DHRS9: variants seen among roughly 807,000 people sequenced by gnomAD.
DHRS9 encodes dehydrogenase/reductase SDR family member 9.
In DHRS9, 18 loss-of-function variants were observed where a neutral mutation model predicts 26.6. The ratio of observed to expected loss-of-function variants is 0.68; its 90% CI spans 0.47 to 1.00. DHRS9 has a LOEUF of 1.00. Among genes scored for constraint, DHRS9 ranks in the 50% least tolerant of loss-of-function variants. The probability of loss-of-function intolerance (pLI) is 0.00; values close to 1 mark genes in which losing one functional copy is unlikely to be tolerated. For synonymous variants in DHRS9, 134 were observed against 141.1 expected (o/e 0.95, Z 0.36); for missense variants, 425 against 378.7 (o/e 1.12, Z -1.01).
At chr2:169,079,983 GAGAAAGAAAGAAAGAAAGAAAGAAAGAA>G (rs1279888912) in intron 1 of DHRS9, among the ~76,000 whole-genome samples, 1,343 of 46,774 alleles carry the variant, frequency 0.029, 54 homozygotes, top group East Asian at 0.067. Flanking sequence ...GAGAGAGAGA[GAGAAAGAAAGAAAGAAAGAAAGAAAGAA>G]AGAAAGAAAG....
At chr2:169,087,997 T>G (rs1366314525) in intron 3 of DHRS9, among the ~76,000 whole-genome samples, 1 of 152,190 alleles carries the variant, frequency 6.6e-6, no homozygotes, top group Non-Finnish European at 1.5e-5. Context: ...CTGCCCAAGC[T>G]GGCATCTTAC....
At chr2:169,079,894 A>AGAGAGGGAGGGAGGGAGG (rs1558951396) in intron 1 of DHRS9, among the ~76,000 whole-genome samples, 1 of 86,332 alleles carries the variant, frequency 1.2e-5, no homozygotes, top group African/African-American at 6.2e-5. Context: ...AGAGAGAGAG[A>AGAGAGGGAGGGAGGGAGG]GAGGGAGGGA....
At chr2:169,095,435 G>A (rs945699104) in intron 4 of DHRS9, 109 bp from the exon 5 acceptor site, 19 of 849,610 alleles carry the variant, frequency 2.2e-5, no homozygotes, top group Non-Finnish European at 3.3e-5. Context: ...CAATTATAAT[G>A]GACAATTCAG....
intron 3 of DHRS9, among the ~76,000 whole-genome samples, chr2:169,086,615 T>C (rs1265499551): frequency 1.3e-5 from 2 of 152,152 alleles, no homozygotes; most frequent in Non-Finnish European, 2.9e-5. Flanking sequence ...CTGGGCTTGT[T>C]TGTACTCATC....
chr2:169,068,916 G>T (rs1558947825), upstream of DHRS9, among the ~76,000 whole-genome samples: 1 of 152,276 alleles, frequency 6.6e-6, no homozygotes, highest in South Asian at 2.1e-4. Context: ...ACTTTCCACT[G>T]TGGTCCCAGG....
rs1401047905 is a variant in DHRS9, at chr2:169,083,561, A to G, written c.546A>G (p.Ala182=). The G allele has an allele frequency of 5.6e-6, 9 of 1,614,070 alleles. No individual in the cohort carries two copies. Among genetic ancestry groups the G allele is most frequent in the Non-Finnish European group, 6.8e-6 (8 of 1,179,968 alleles). Residue 182 remains alanine (A), a synonymous_variant, in exon 3 of 5, where the codon GCA becomes GCG. Coordinates refer to ENST00000674881, the MANE Select transcript of DHRS9 (RefSeq NM_001376924.1). ...GGGGCTATACTCCATCCAAATATGC[A>G]GTGGAAGGTTTCAATGACAGCTTAA... ...VGGGYTPSKY[A]VEGFNDSLRR...
chr2:169,073,698 A>G (rs1037668124), intron 1 of DHRS9, among the ~76,000 whole-genome samples: 4 of 152,202 alleles, frequency 2.6e-5, no homozygotes, highest in Non-Finnish European at 5.9e-5. Flanking sequence ...AAATATTTAT[A>G]TAGAGGGAAA....
At chr2:169,087,766 C>T (rs1221441843) in intron 3 of DHRS9, among the ~76,000 whole-genome samples, 1 of 152,086 alleles carries the variant, frequency 6.6e-6, no homozygotes, top group Non-Finnish European at 1.5e-5. Context: ...TGGCTCAGGA[C>T]AAGTCTAGAA....
chr2:169,080,651 T>C (rs886819356), intron 1 of DHRS9, among the ~76,000 whole-genome samples: 1 of 152,266 alleles, frequency 6.6e-6, no homozygotes, highest in Admixed American at 6.5e-5. Flanking sequence ...GGCCCTAGGC[T>C]ACCTCTAGCC....
intron 1 of DHRS9, among the ~76,000 whole-genome samples, chr2:169,077,103 C>T (rs917791143): frequency 4.6e-5 from 7 of 152,266 alleles, no homozygotes; most frequent in African/African-American, 7.2e-5. Flanking sequence ...CAACAGCCCA[C>T]GTTGTTCAGA....
intron 3 of DHRS9, among the ~76,000 whole-genome samples, chr2:169,085,642 C>G (rs973870769): frequency 6.6e-6 from 1 of 151,942 alleles, no homozygotes; most frequent in Admixed American, 6.6e-5. Context: ...TGTTGGCATA[C>G]AGAAATTGTT....
intron 1 of DHRS9, among the ~76,000 whole-genome samples, chr2:169,080,691 G>A (rs1684155030): frequency 6.6e-6 from 1 of 152,216 alleles, no homozygotes; most frequent in Admixed American, 6.5e-5. Flanking sequence ...AAGTAGTTCT[G>A]CTGCACATAT....
chr2:169,083,287 G>T, intron 2 of DHRS9, 42 bp from the exon 3 acceptor site: 2 of 1,596,310 alleles, frequency 1.3e-6, no homozygotes, highest in Non-Finnish European at 1.7e-6. Flanking sequence ...TGGCAAATAA[G>T]TACTGTCTTA....
At chr2:169,092,610 C>T (rs1684565548) in intron 4 of DHRS9, among the ~76,000 whole-genome samples, 1 of 152,114 alleles carries the variant, frequency 6.6e-6, no homozygotes, top group South Asian at 2.1e-4. Context: ...CTGGTTAAGC[C>T]CTAATGGGGC....
chr2:169,067,689 T>C (rs376367212), upstream of DHRS9, among the ~76,000 whole-genome samples: 1 of 152,182 alleles, frequency 6.6e-6, no homozygotes, highest in African/African-American at 2.4e-5. Context: ...CTGAACAAAG[T>C]AGCACTTTCA....
intron 3 of DHRS9, among the ~76,000 whole-genome samples, chr2:169,091,175 C>T (rs1397305657): frequency 1.3e-5 from 2 of 151,218 alleles, no homozygotes; most frequent in South Asian, 2.1e-4. Context: ...CCTGTAAAAC[C>T]TTGATGCCTA....
At chr2:169,082,023 T>C in intron 2 of DHRS9, 129 bp downstream of exon 2, 2 of 948,432 alleles carry the variant, frequency 2.1e-6, no homozygotes, top group Non-Finnish European at 1.5e-6. Context: ...GGCTGTGTAC[T>C]TCTCTAATCT....
intron 1 of DHRS9, among the ~76,000 whole-genome samples, chr2:169,079,997 GAAAGAAAGAAAGAAAGAAAGAAAGAA>G (rs1684125440): frequency 1.5e-4 from 14 of 93,512 alleles, no homozygotes; most frequent in African/African-American, 5.5e-4. Context: ...AAGAAAGAAA[GAAAGAAAGAAAGAAAGAAAGAAAGAA>G]AGAAAGAAAG....
At chr2:169,069,979 C>T (rs1683750727) in intron 1 of DHRS9, among the ~76,000 whole-genome samples, 1 of 152,056 alleles carries the variant, frequency 6.6e-6, no homozygotes, top group South Asian at 2.1e-4. Context: ...CCTAGTGTCC[C>T]AATTCAATTC....
Sources: gnomAD v4.1 joint callset for allele counts (sites outside exome capture counted in the v4.1 genomes callset) on GRCh38, gnomAD v4.1.1 for gene constraint, MANE v1.5 for transcripts, NCBI Gene and HGNC (gene_info 2026-07-23, HGNC 2026-07-21) for gene names.